The following LRBA variants were observed in gnomAD, a reference collection of about 807,000 sequenced individuals.
The protein encoded by LRBA is LPS responsive beige-like anchor protein.
In LRBA, 176 loss-of-function variants were observed where a neutral mutation model predicts 330.0. The observed-to-expected ratio is 0.53, with a 90% CI of 0.47 to 0.60. LRBA has a LOEUF of 0.60. LRBA is among the 20% of genes least tolerant of loss of function. LRBA has a pLI of 0.00. For synonymous variants in LRBA, 1,230 were observed against 1,193.0 expected (o/e 1.03, Z -0.64); for missense variants, 3,259 against 3,444.8 (o/e 0.95, Z 1.35).
At chr4:150,465,655 T>C (rs1158372115) in intron 44 of LRBA, among the ~76,000 whole-genome samples, 1 of 152,186 alleles carries the variant, frequency 6.6e-6, no homozygotes, top group Non-Finnish European at 1.5e-5. Flanking sequence ...ATATCCTCTT[T>C]GGAGAAATGT....
In LRBA at chr4:150,588,076, T is replaced by G; in HGVS notation, c.6302A>C (p.Asp2101Ala). The change falls in exon 40 of 57, where the codon GAT (aspartate) becomes GCT (alanine). Residue 2101 changes from aspartate (D) to alanine (A), a missense_variant. Coordinates refer to ENST00000651943, the MANE Select transcript of LRBA (RefSeq NM_001364905.1). The part of the protein sequence containing the change: ...SELYFEVDEE[D>A]PNFKKIDPKI... Reference sequence around the variant, plus strand: ...GGGGTCGATTTTTTTGAAGTTAGGATCCTCTTCATCCACCTCAAAATAGAG... The same window carrying G: ...GGGGTCGATTTTTTTGAAGTTAGGAGCCTCTTCATCCACCTCAAAATAGAG... The G allele has an allele frequency of 2.5e-6, 4 of 1,612,306 alleles. No individual in the cohort carries two copies. The highest frequency in any genetic ancestry group is 3.4e-6 in the Non-Finnish European group (4 of 1,179,182).
Position 150,761,806 on chromosome 4 carries a change from A to T in LRBA, c.5622T>A (p.Phe1874Leu). ...ACCTTCCTTCATTGACAAGTTCGATAAAAGCAAGGCCTGCATTCTTCTGAA... is the reference window on the plus strand; with the variant it reads ...ACCTTCCTTCATTGACAAGTTCGATTAAAGCAAGGCCTGCATTCTTCTGAA... ...NSIQKNAGLA[F>L]IELVNEGRLL... Residue 1874 changes from phenylalanine (F) to leucine (L), a missense_variant, in exon 35 of 57, where the codon TTT becomes TTA. By Grantham distance (22) the Phe-to-Leu change is conservative. Transcript: ENST00000651943. 6.5e-7 allele frequency: 1 copy of T among 1,550,184 alleles called. No homozygotes were observed. Among genetic ancestry groups the T allele is most frequent in the East Asian group, 2.4e-5 (1 of 42,322 alleles).
intron 52 of LRBA, among the ~76,000 whole-genome samples, chr4:150,307,056 T>TTATTTA (rs1217922829): frequency 1.3e-5 from 2 of 152,086 alleles, no homozygotes; most frequent in African/African-American, 4.8e-5. Context: ...AGGATTTTAA[T>TTATTTA]TATTAGTGTT....
intron 46 of LRBA, among the ~76,000 whole-genome samples, chr4:150,424,678 C>A (rs1335124078): frequency 6.6e-6 from 1 of 152,192 alleles, no homozygotes; most frequent in African/African-American, 2.4e-5. Context: ...GTAGACACAC[C>A]AGTTCACCTT....
At chr4:150,983,209 G>A (rs1367233797) in intron 2 of LRBA, among the ~76,000 whole-genome samples, 2 of 152,136 alleles carry the variant, frequency 1.3e-5, no homozygotes, top group African/African-American at 2.4e-5. Flanking sequence ...TGTAGTCCCA[G>A]CATTTGGGAG....
At chr4:150,859,299 T>C (rs1353525819) in intron 22 of LRBA, among the ~76,000 whole-genome samples, 1 of 152,176 alleles carries the variant, frequency 6.6e-6, no homozygotes, top group Non-Finnish European at 1.5e-5. Context: ...AAATACAGTA[T>C]CTAAGGTGTT....
intron 47 of LRBA, among the ~76,000 whole-genome samples, chr4:150,381,876 G>C (rs909107594): frequency 6.6e-6 from 1 of 152,178 alleles, no homozygotes; most frequent in African/African-American, 2.4e-5. Context: ...GGTATCTCAC[G>C]TGAGGTGGTG....
intron 44 of LRBA, among the ~76,000 whole-genome samples, chr4:150,456,387 T>A (rs1419260955): frequency 6.6e-6 from 1 of 152,166 alleles, no homozygotes; most frequent in Non-Finnish European, 1.5e-5. Context: ...AGATGATAGC[T>A]CATTGAAGCT....
Position 150,265,565 on chromosome 4 carries a change from TCAAG to T in LRBA, c.*153_*156del. On this transcript the variant is annotated 3_prime_UTR_variant, in exon 57 of 57. Transcript: ENST00000651943. ...GCTTTGCTAATCCCCCCCAAAAAAG[TCAAG>T]CAAAGACTACAAAAATAGCAATTAT... The T allele has an allele frequency of 1.8e-6, 1 of 554,352 alleles. No homozygotes were observed. Among genetic ancestry groups the T allele is most frequent in the Non-Finnish European group, 3.3e-6 (1 of 304,714 alleles). 34.3% of individuals were successfully genotyped at this position (554,352 alleles called of 1,614,324 possible). A position where few individuals can be genotyped will look rare whatever the true frequency, so the allele number is the denominator to read the frequency against.
At chr4:150,947,347 T>A (rs1021839855) in intron 2 of LRBA, among the ~76,000 whole-genome samples, 2 of 151,866 alleles carry the variant, frequency 1.3e-5, no homozygotes, top group Admixed American at 6.6e-5. Flanking sequence ...GCCAAGTAGA[T>A]TTTATTCCAG....
In LRBA at chr4:150,667,725, C is replaced by G. The variant is rs558550673; in HGVS notation, c.5921+15826G>C. On this transcript the variant is annotated intron_variant, in intron 37 of 56. Coordinates refer to ENST00000651943, the MANE Select transcript of LRBA (RefSeq NM_001364905.1). Reference sequence around the variant, plus strand: ...GCTCTCCTTCCACCATGTTAGGATACAATGAGAAGTCAGTAGTCTTCAACC... The same window carrying G: ...GCTCTCCTTCCACCATGTTAGGATAGAATGAGAAGTCAGTAGTCTTCAACC... Among the ~76,000 whole-genome samples, 3 of 152,264 alleles carry G rather than the reference C, an allele frequency of 2.0e-5. No homozygotes were observed. The East Asian group carries it at 5.8e-4, about 29-fold the overall frequency.
At chr4:150,535,605 CA>C (rs1764574689) in intron 40 of LRBA, among the ~76,000 whole-genome samples, 1 of 152,152 alleles carries the variant, frequency 6.6e-6, no homozygotes, top group Non-Finnish European at 1.5e-5. Flanking sequence ...ACTCTATTAT[CA>C]AAAGCTTTCT....
chr4:150,403,048 T>C (rs1745713393), intron 47 of LRBA, among the ~76,000 whole-genome samples: 2 of 152,182 alleles, frequency 1.3e-5, no homozygotes, highest in Non-Finnish European at 1.5e-5. Context: ...CAGACATAAA[T>C]ACCACAGTAA....
intron 44 of LRBA, among the ~76,000 whole-genome samples, chr4:150,440,962 A>T (rs1323860221): frequency 6.6e-6 from 1 of 152,122 alleles, no homozygotes; most frequent in Non-Finnish European, 1.5e-5. Context: ...ATCTTTCAAA[A>T]CAGGATATGC....
chr4:150,730,691 A>G (rs1560741451), intron 36 of LRBA, among the ~76,000 whole-genome samples: 1 of 151,268 alleles, frequency 6.6e-6, no homozygotes, highest in African/African-American at 2.4e-5. Context: ...AAAAAAAAAA[A>G]AAAAGAAAGA....
At chr4:150,851,490 C>G (rs1297704497) in intron 23 of LRBA, among the ~76,000 whole-genome samples, 1 of 152,186 alleles carries the variant, frequency 6.6e-6, no homozygotes, top group Non-Finnish European at 1.5e-5. Flanking sequence ...AATTTTAAAT[C>G]ACATGCTTAG....
chr4:150,620,026 C>T (rs951551281), intron 37 of LRBA, among the ~76,000 whole-genome samples: 3 of 151,964 alleles, frequency 2.0e-5, no homozygotes, highest in Non-Finnish European at 4.4e-5. Context: ...TATTGTATTC[C>T]TATTATGTAA....
intron 40 of LRBA, among the ~76,000 whole-genome samples, chr4:150,511,239 C>T (rs768228382): frequency 1.3e-4 from 20 of 152,134 alleles, no homozygotes; most frequent in East Asian, 1.9e-4. Context: ...GAGACTATTT[C>T]AGTTAGCAGA....
chr4:150,470,840 T>TACACACACACACAC (rs146604033), intron 43 of LRBA, among the ~76,000 whole-genome samples: 4 of 140,552 alleles, frequency 2.8e-5, no homozygotes, highest in African/African-American at 1.1e-4. Context: ...CCCTCATTAC[T>TACACACACACACAC]ACACACACAC....
Sources: allele counts gnomAD v4.1 joint callset (sites outside exome capture counted in the v4.1 genomes callset), GRCh38; gene constraint gnomAD v4.1.1; transcripts MANE v1.5; gene names NCBI Gene and HGNC (gene_info 2026-07-23, HGNC 2026-07-21).